STPG2: variants seen among roughly 807,000 people sequenced by gnomAD.
The protein encoded by STPG2 is sperm tail PG-rich repeat containing 2, also known as sperm-tail PG-rich repeat-containing protein 2.
Under a neutral mutation model 54.2 loss-of-function variants are expected in STPG2, and 56 were observed. The ratio of observed to expected loss-of-function variants is 1.03; its 90% confidence interval spans 0.83 to 1.29. STPG2 has a LOEUF of 1.29. STPG2 is among the 50% of genes most tolerant of loss of function. The pLI is 0.00. For missense variants in STPG2, 596 were observed against 544.9 expected (o/e 1.09, Z -0.93); for synonymous variants, 200 against 181.8 (o/e 1.10, Z -0.81).
chr4:97,631,000 G>A (rs1294936492), intron 10 of STPG2, among the ~76,000 whole-genome samples: 1 of 151,776 alleles, frequency 6.6e-6, no homozygotes, highest in African/African-American at 2.4e-5. Context: ...AAGACTTTTT[G>A]AACTATAGTC....
chr4:97,658,019 T>A (rs187157370), intron 10 of STPG2, among the ~76,000 whole-genome samples: 1 of 152,208 alleles, frequency 6.6e-6, no homozygotes, highest in African/African-American at 2.4e-5. Flanking sequence ...GAAGAACATA[T>A]GTGATTTGTT....
chr4:97,643,208 A>G (rs1410919150), intron 10 of STPG2, among the ~76,000 whole-genome samples: 2 of 151,634 alleles, frequency 1.3e-5, no homozygotes, highest in African/African-American at 4.8e-5. Flanking sequence ...AAATTTTTAA[A>G]AAGAGGTTGT....
intron 7 of STPG2, among the ~76,000 whole-genome samples, chr4:97,960,726 A>G (rs1311940377): frequency 1.3e-5 from 2 of 152,172 alleles, no homozygotes; most frequent in African/African-American, 2.4e-5. Flanking sequence ...AACACATCCC[A>G]TACTCATGGA....
chr4:97,805,619 C>A (rs184793288), intron 9 of STPG2, among the ~76,000 whole-genome samples: 224 of 152,236 alleles, frequency 1.5e-3, no homozygotes, highest in African/African-American at 5.1e-3. Context: ...GGGGTTATTC[C>A]TTTCTTGCTG....
chr4:98,056,952 T>G (rs538045983), intron 5 of STPG2, among the ~76,000 whole-genome samples: 1 of 152,306 alleles, frequency 6.6e-6, no homozygotes, highest in South Asian at 2.1e-4. Flanking sequence ...CCATGTGTCC[T>G]GGATAGCCTG....
At chr4:97,515,364 TG>T (rs1446674597) in intron 4 of STPG2, among the ~76,000 whole-genome samples, 1 of 152,094 alleles carries the variant, frequency 6.6e-6, no homozygotes, top group Admixed American at 6.6e-5. Flanking sequence ...AAAATTTCAT[TG>T]TCACAGAAAG....
chr4:97,557,239 T>C (rs953237294), downstream of STPG2, among the ~76,000 whole-genome samples: 1 of 152,050 alleles, frequency 6.6e-6, no homozygotes, highest in African/African-American at 2.4e-5. Flanking sequence ...AAAACGAAAT[T>C]GAATAAACTG....
chr4:97,473,161 T>C (rs1729981957), intron 4 of STPG2, among the ~76,000 whole-genome samples: 1 of 152,080 alleles, frequency 6.6e-6, no homozygotes, highest in Non-Finnish European at 1.5e-5. Flanking sequence ...GTTTGAACAA[T>C]ATGAAATCTG....
At chr4:97,654,408 T>C (rs1200112978) in intron 10 of STPG2, among the ~76,000 whole-genome samples, 1 of 152,054 alleles carries the variant, frequency 6.6e-6, no homozygotes, top group African/African-American at 2.4e-5. Context: ...GGTAAAAGAC[T>C]TCCGAGAAAT....
chr4:97,704,723 T>C (rs915144435), intron 10 of STPG2, among the ~76,000 whole-genome samples: 1 of 152,166 alleles, frequency 6.6e-6, no homozygotes, highest in Non-Finnish European at 1.5e-5. Context: ...TAACATAAAA[T>C]ACTGTCCCAC....
chr4:97,442,424 A>G (rs1490889599), intron 4 of STPG2, among the ~76,000 whole-genome samples: 1 of 152,082 alleles, frequency 6.6e-6, no homozygotes, highest in Non-Finnish European at 1.5e-5. Flanking sequence ...TTGTAGAAAA[A>G]AATTGTTTTT....
intron 9 of STPG2, among the ~76,000 whole-genome samples, chr4:97,773,559 A>C (rs1726280550): frequency 1.3e-5 from 2 of 151,850 alleles, no homozygotes; most frequent in African/African-American, 2.4e-5. Flanking sequence ...TAATCTCCCC[A>C]CCTCAGCCTT....
chr4:97,811,591 T>C (rs886908100), intron 9 of STPG2, among the ~76,000 whole-genome samples: 1 of 152,164 alleles, frequency 6.6e-6, no homozygotes, highest in African/African-American at 2.4e-5. Flanking sequence ...ACTGATTTTG[T>C]TAAACCAATT....
intron 8 of STPG2, among the ~76,000 whole-genome samples, chr4:97,897,014 G>A (rs934064565): frequency 3.3e-5 from 5 of 151,784 alleles, no homozygotes; most frequent in Non-Finnish European, 7.4e-5. Context: ...CAGGTATTAA[G>A]CCTAGTACCT....
intron 9 of STPG2, among the ~76,000 whole-genome samples, chr4:97,763,301 A>C (rs926823652): frequency 2.0e-5 from 3 of 152,212 alleles, no homozygotes; most frequent in Non-Finnish European, 4.4e-5. Flanking sequence ...CAATTTAAGC[A>C]TGCTGCCCTA....
At chr4:97,682,326 G>A (rs1723062598) in intron 10 of STPG2, among the ~76,000 whole-genome samples, 1 of 151,678 alleles carries the variant, frequency 6.6e-6, no homozygotes, top group Admixed American at 6.6e-5. Flanking sequence ...GTTACTTTAA[G>A]TTTCTTCAAA....
intron 8 of STPG2, among the ~76,000 whole-genome samples, chr4:97,938,502 C>T (rs1732846248): frequency 1.5e-5 from 2 of 133,570 alleles, no homozygotes; most frequent in Admixed American, 1.5e-4. Flanking sequence ...GATGGCCACC[C>T]ACCCCTGCAG....
At chr4:98,106,945 T>C (rs900934934) in intron 4 of STPG2, among the ~76,000 whole-genome samples, 3 of 152,124 alleles carry the variant, frequency 2.0e-5, no homozygotes, top group Admixed American at 1.3e-4. Flanking sequence ...ACCAAACATA[T>C]GCAGATTAAA....
intron 8 of STPG2, among the ~76,000 whole-genome samples, chr4:97,911,016 T>C (rs1188060120): frequency 6.6e-6 from 1 of 151,708 alleles, no homozygotes; most frequent in Non-Finnish European, 1.5e-5. Flanking sequence ...AAAAACAGAG[T>C]GGGGCAATAG....
Sources: gnomAD v4.1 joint callset for allele counts (sites outside exome capture counted in the v4.1 genomes callset) on GRCh38, gnomAD v4.1.1 for gene constraint, MANE v1.5 for transcripts, NCBI Gene and HGNC (gene_info 2026-07-23, HGNC 2026-07-21) for gene names.